The following SLC17A1 variants were observed in gnomAD, a reference collection of about 807,000 sequenced individuals.
SLC17A1 encodes solute carrier family 17 member 1, also known as sodium-dependent phosphate transport protein 1.
Under a neutral mutation model 53.5 loss-of-function variants are expected in SLC17A1, and 51 were observed. That is an observed-to-expected ratio of 0.95 (90% CI 0.76 to 1.20). SLC17A1 has a LOEUF of 1.20. Among genes scored for constraint, SLC17A1 ranks in the 50% most tolerant of loss-of-function variants. SLC17A1 has a pLI of 0.00. For missense variants in SLC17A1, 538 were observed against 568.2 expected, an observed-to-expected ratio of 0.95 and a Z score of 0.54; for synonymous variants, 179 against 198.8, an observed-to-expected ratio of 0.90 and a Z score of 0.84.
the SLC17A1 span, among the ~76,000 whole-genome samples, chr6:25,750,785 T>TG: frequency 6.6e-6 from 1 of 150,572 alleles, no homozygotes; most frequent in Non-Finnish European, 1.5e-5. Context: ...CTTGTGTGTG[T>TG]GGGGGGAGGG....
chr6:25,741,591 C>A, the SLC17A1 span, among the ~76,000 whole-genome samples: 1 of 152,024 alleles, frequency 6.6e-6, no homozygotes, highest in Non-Finnish European at 1.5e-5. Flanking sequence ...CATGGGCCGC[C>A]TATAATCCCA....
chr6:25,786,505 A>C (rs1021226927), intron 12 of SLC17A1, among the ~76,000 whole-genome samples: 4 of 152,156 alleles, frequency 2.6e-5, no homozygotes, highest in African/African-American at 7.2e-5. Context: ...GTCACAGAGG[A>C]CTGATAGCCA....
the SLC17A1 span, among the ~76,000 whole-genome samples, chr6:25,760,087 C>A: frequency 5.3e-5 from 8 of 152,188 alleles, no homozygotes; most frequent in Non-Finnish European, 1.2e-4. Flanking sequence ...CATTTCCCCA[C>A]ATTTTTGCCT....
intron 2 of SLC17A1, among the ~76,000 whole-genome samples, chr6:25,829,768 A>G (rs1764880893): frequency 6.6e-6 from 1 of 152,196 alleles, no homozygotes; most frequent in African/African-American, 2.4e-5. Context: ...TATATTTATC[A>G]AAAAAGAAAG....
the SLC17A1 span, chr6:25,770,915 C>T: frequency 6.2e-7 from 1 of 1,609,980 alleles, no homozygotes; most frequent in Non-Finnish European, 8.5e-7. Context: ...ATCCTCGCCT[C>T]TTCTGTTCAG....
chr6:25,773,256 C>T, the SLC17A1 span: 12 of 1,591,170 alleles, frequency 7.5e-6, no homozygotes, highest in Non-Finnish European at 1.0e-5. Flanking sequence ...CCAGTGCTAA[C>T]TGGATCCCCT....
the SLC17A1 span, among the ~76,000 whole-genome samples, chr6:25,767,120 T>C: frequency 7.8e-3 from 1,183 of 152,162 alleles, 26 homozygotes; most frequent in East Asian, 0.065. Flanking sequence ...TTAAGAAAAA[T>C]GGCTATGTAC....
the SLC17A1 span, among the ~76,000 whole-genome samples, chr6:25,755,232 C>T: frequency 1.3e-5 from 2 of 152,162 alleles, no homozygotes; most frequent in African/African-American, 2.4e-5. Flanking sequence ...AGATTTTCAT[C>T]ATGCCTAAAA....
intron 12 of SLC17A1, among the ~76,000 whole-genome samples, chr6:25,787,263 G>T (rs1015465439): frequency 6.6e-6 from 1 of 151,808 alleles, no homozygotes; most frequent in African/African-American, 2.4e-5. Flanking sequence ...CAAGGTGGAC[G>T]CATCACTTGA....
chr6:25,793,027 T>C (rs1763535026), intron 12 of SLC17A1, among the ~76,000 whole-genome samples: 3 of 152,182 alleles, frequency 2.0e-5, no homozygotes, highest in African/African-American at 7.2e-5. Flanking sequence ...TGGATTTGAT[T>C]ATAGACAGAA....
chr6:25,787,796 C>G (rs1361729893), intron 12 of SLC17A1, among the ~76,000 whole-genome samples: 3 of 152,150 alleles, frequency 2.0e-5, no homozygotes, highest in Non-Finnish European at 4.4e-5. Flanking sequence ...ATGGCTTCAT[C>G]CCCCTTACCC....
At chr6:25,821,791 G>T (rs1764571563) in intron 3 of SLC17A1, among the ~76,000 whole-genome samples, 1 of 152,090 alleles carries the variant, frequency 6.6e-6, no homozygotes. Flanking sequence ...AGTTGCCATT[G>T]AACAAAGTAC....
rs1057053989 is a variant in SLC17A1, at chr6:25,783,036, A to C, written c.*185T>G. The C allele has an allele frequency of 6.6e-6, 1 of 152,178 alleles. No individual in the cohort carries two copies. Among genetic ancestry groups the C allele is most frequent in the Non-Finnish European group, 1.5e-5 (1 of 68,034 alleles). 9.4% of individuals were successfully genotyped at this position (152,178 alleles called of 1,614,324 possible). ...AAATTCAGATATATTACATGTTACA[A>C]ACAACACATGTTAAAAAACGATGCA... On this transcript the variant is annotated 3_prime_UTR_variant, in exon 13 of 13. Coordinates refer to ENST00000244527, the MANE Select transcript of SLC17A1 (RefSeq NM_005074.5).
At chr6:25,745,830 G>C in the SLC17A1 span, among the ~76,000 whole-genome samples, 4 of 152,148 alleles carry the variant, frequency 2.6e-5, no homozygotes, top group South Asian at 8.3e-4. Context: ...GCATCATCAG[G>C]GCATTTATTA....
chr6:25,819,004 G>C (rs990217779), intron 6 of SLC17A1, 64 bp downstream of exon 6: 1 of 1,015,806 alleles, frequency 9.8e-7, no homozygotes, highest in South Asian at 1.7e-5. Context: ...ATTATATTGG[G>C]TTTTAATGTT....
At chr6:25,798,140 G>A (rs2151479111) in intron 12 of SLC17A1, among the ~76,000 whole-genome samples, 1 of 152,176 alleles carries the variant, frequency 6.6e-6, no homozygotes, top group African/African-American at 2.4e-5. Flanking sequence ...TCAACACCTG[G>A]ATCTCTTAAT....
intron 2 of SLC17A1, among the ~76,000 whole-genome samples, chr6:25,827,287 C>T (rs907437285): frequency 3.3e-5 from 5 of 151,948 alleles, no homozygotes; most frequent in African/African-American, 1.2e-4. Flanking sequence ...CAAAACAACA[C>T]ATACAGAAAT....
the SLC17A1 span, among the ~76,000 whole-genome samples, chr6:25,752,295 G>A: frequency 6.6e-6 from 1 of 152,122 alleles, no homozygotes; most frequent in African/African-American, 2.4e-5. Flanking sequence ...ACTGAATATT[G>A]CAGGCAATTA....
the SLC17A1 span, chr6:25,726,430 C>T: frequency 6.2e-7 from 1 of 1,614,068 alleles, no homozygotes; most frequent in East Asian, 2.2e-5. Context: ...ACGAAGCAGA[C>T]GATGGATCCG....
Sources: allele counts gnomAD v4.1 joint callset (sites outside exome capture counted in the v4.1 genomes callset), GRCh38; gene constraint gnomAD v4.1.1; transcripts MANE v1.5; gene names NCBI Gene and HGNC (gene_info 2026-07-23, HGNC 2026-07-21).